The following ITGAX variants were observed in gnomAD, a reference collection of about 807,000 sequenced individuals.
The protein encoded by ITGAX is integrin subunit alpha X.
Under a neutral mutation model 140.2 loss-of-function variants are expected in ITGAX, and 99 were observed. That is an observed-to-expected ratio of 0.71 (90% CI 0.60 to 0.83). The LOEUF (loss-of-function observed/expected upper bound fraction) is 0.83, where lower values mean the gene tolerates loss of function less well. Among genes scored for constraint, ITGAX ranks in the 40% least tolerant of loss-of-function variants. ITGAX has a pLI of 0.00. For synonymous variants in ITGAX, 631 were observed against 600.4 expected, an observed-to-expected ratio of 1.05 and a Z score of -0.75; for missense variants, 1,444 against 1,482.0, an observed-to-expected ratio of 0.97 and a Z score of 0.42.
In ITGAX at chr16:31,372,650, C is replaced by T; in HGVS notation, c.2346C>T (p.Gly782=). 6.2e-6 allele frequency: 10 copies of T among 1,614,072 alleles called. No individual in the cohort carries two copies. The highest frequency in any genetic ancestry group is 7.6e-6 in the Non-Finnish European group (9 of 1,179,958). Residue 782 remains glycine (G), a synonymous_variant, in exon 19 of 30, where the codon GGC becomes GGT. Coordinates refer to ENST00000268296, the MANE Select transcript of ITGAX (RefSeq NM_000887.5). Reference sequence around the variant, plus strand: ...ACCATATCTGCCAGGACAATCTCGGCATCTCCTTCAGCTTCCCAGGGTGAG... The same window carrying T: ...ACCATATCTGCCAGGACAATCTCGGTATCTCCTTCAGCTTCCCAGGGTGAG... ...GADHICQDNL[G]ISFSFPGLKS...
chr16:31,376,955 A>G (rs1234376547), intron 21 of ITGAX, 40 bp downstream of exon 21: 2 of 1,613,224 alleles, frequency 1.2e-6, no homozygotes, highest in East Asian at 4.5e-5. Context: ...CCCCTGCCCC[A>G]CCCTGTCTTT....
intron 14 of ITGAX, among the ~76,000 whole-genome samples, chr16:31,364,207 G>C (rs1351351634): frequency 6.6e-6 from 1 of 152,032 alleles, no homozygotes; most frequent in Non-Finnish European, 1.5e-5. Flanking sequence ...AGGATCACTT[G>C]AGGCCAGGAG....
At chr16:31,380,217 C>A in intron 26 of ITGAX, 49 bp from the exon 27 acceptor site, 1 of 1,585,436 alleles carries the variant, frequency 6.3e-7, no homozygotes, top group Non-Finnish European at 8.6e-7. Flanking sequence ...TGCTGCCTCC[C>A]ACCTTCACAC....
intron 23 of ITGAX, 74 bp from the exon 24 acceptor site, chr16:31,379,494 C>G: frequency 7.0e-7 from 1 of 1,422,354 alleles, no homozygotes; most frequent in Non-Finnish European, 9.7e-7. Flanking sequence ...CACCTGTCCT[C>G]TCATGCTCTA....
rs2080774378 is a variant in ITGAX at position 31,357,328 on chromosome 16, A to C, written c.394A>C (p.Thr132Pro). 1 of 1,606,300 alleles carries C rather than the reference A, an allele frequency of 6.2e-7. No homozygotes were observed. The highest frequency in any genetic ancestry group is 1.3e-5 in the African/African-American group (1 of 74,656). Residue 132 changes from threonine to proline, a missense_variant, in exon 5 of 30, where the codon ACC becomes CCC. By Grantham distance (38) the Thr-to-Pro change is conservative. Coordinates refer to ENST00000268296, the MANE Select transcript of ITGAX (RefSeq NM_000887.5). ...LTGLCFLLGP[T>P]QLTQRLPVSR... Reference sequence around the variant, plus strand: ...CGGACTCTGCTTCCTCCTGGGCCCCACCCAGCTCACCCAGAGGCTCCCGGT... The same window carrying C: ...CGGACTCTGCTTCCTCCTGGGCCCCCCCCAGCTCACCCAGAGGCTCCCGGT...
intron 1 of ITGAX, 93 bp from the exon 2 acceptor site, chr16:31,355,800 G>A (rs995858826): frequency 1.1e-5 from 10 of 943,898 alleles, no homozygotes; most frequent in Non-Finnish European, 1.3e-5. Flanking sequence ...CATCAGGCTC[G>A]GAGGGGAGAT....
chr16:31,368,465 T>A (rs1468907954), intron 14 of ITGAX, among the ~76,000 whole-genome samples: 1 of 139,166 alleles, frequency 7.2e-6, no homozygotes, highest in Non-Finnish European at 1.5e-5. Flanking sequence ...ACCACTGCAC[T>A]CTAGCCTGGG....
In ITGAX at chr16:31,380,278, G is replaced by GA; in HGVS notation, c.3073_3074insA (p.Ala1025AspfsTer9). 6.2e-7 allele frequency: 1 copy of GA among 1,614,040 alleles called. No individual in the cohort carries two copies. The highest frequency in any genetic ancestry group is 8.5e-7 in the Non-Finnish European group (1 of 1,179,970). ...TATCTGCCCCCAGGACTGCTCCATT[G>GA]CTGGCTGCCTGCGGTTCCGCTGTGA... On this transcript the variant is annotated frameshift_variant, in exon 27 of 30. Coordinates refer to ENST00000268296, the MANE Select transcript of ITGAX (RefSeq NM_000887.5). LOFTEE classifies it high-confidence loss of function.
At chr16:31,359,572 A>T in intron 5 of ITGAX, 128 bp from the exon 6 acceptor site, 1 of 1,059,890 alleles carries the variant, frequency 9.4e-7, no homozygotes, top group Non-Finnish European at 1.4e-6. Flanking sequence ...GTGGAGCCTG[A>T]CTCCCATCGC....
chr16:31,368,437 G>T (rs1335666332), intron 14 of ITGAX, among the ~76,000 whole-genome samples: 2 of 146,540 alleles, frequency 1.4e-5, no homozygotes, highest in Non-Finnish European at 3.0e-5. Context: ...GGCAAAGGTT[G>T]CAGTGAGCCG....
intron 14 of ITGAX, among the ~76,000 whole-genome samples, chr16:31,368,728 G>A (rs916596361): frequency 6.6e-6 from 1 of 151,952 alleles, no homozygotes; most frequent in African/African-American, 2.4e-5. Flanking sequence ...AAAGGTCTCT[G>A]GTTTTCCCAG....
chr16:31,365,312 C>T (rs1273427676), intron 14 of ITGAX, among the ~76,000 whole-genome samples: 1 of 152,132 alleles, frequency 6.6e-6, no homozygotes, highest in African/African-American at 2.4e-5. Flanking sequence ...ACTCTCTAAA[C>T]ATACCAAAAG....
At chr16:31,360,587 C>G in intron 8 of ITGAX, 124 bp downstream of exon 8, 1 of 919,550 alleles carries the variant, frequency 1.1e-6, no homozygotes, top group Non-Finnish European at 1.6e-6. Context: ...TGGTGCAATC[C>G]TAGCTCACTG....
Position 31,362,949 on chromosome 16 carries a change from C to T in ITGAX, c.1374C>T (p.Phe458=), listed in dbSNP as rs768257645. The stretch of plus-strand genomic sequence containing the variant: ...CTGCCCTTCAGATCGGCTCCTACTT[C>T]GGGGCCTCCCTCTGCTCCGTGGACG... ...EVTGTQIGSY[F]GASLCSVDVD... The change falls in exon 13 of 30, where the codon TTC becomes TTT. Residue 458 remains phenylalanine (F), a synonymous_variant. Coordinates refer to ENST00000268296, the MANE Select transcript of ITGAX (RefSeq NM_000887.5). 5.6e-6 allele frequency: 9 copies of T among 1,611,654 alleles called. No homozygotes were observed. Among genetic ancestry groups the T allele is most frequent in the South Asian group, 1.1e-5 (1 of 90,994 alleles).
In ITGAX at chr16:31,376,821, T is replaced by C. The variant is rs1358103457; in HGVS notation, c.2531T>C (p.Leu844Pro). The C allele has an allele frequency of 6.2e-7, 1 of 1,614,210 alleles. No homozygotes were observed. Among genetic ancestry groups the C allele is most frequent in the Non-Finnish European group, 8.5e-7 (1 of 1,180,022 alleles). The part of the protein sequence containing the change: ...EGQKQGQLRS[L>P]HLTCDSAPVG... ...TAGAAACAAGGGCAGCTGCGTTCCC[T>C]GCACCTGACATGTGACAGCGCCCCA... Residue 844 changes from leucine to proline, a missense_variant, in exon 21 of 30, where the codon CTG becomes CCG. Transcript: ENST00000268296.
intron 14 of ITGAX, among the ~76,000 whole-genome samples, chr16:31,368,805 G>A (rs1011624974): frequency 7.3e-5 from 11 of 151,314 alleles, no homozygotes; most frequent in Non-Finnish European, 1.2e-4. Context: ...GAGTGGTGAT[G>A]ACTCTTAACG....
rs751685586 is a variant in ITGAX at position 31,371,329 on chromosome 16, C to T, written c.1842-5C>T. The T allele has an allele frequency of 2.2e-5, 35 of 1,613,714 alleles. No individual in the cohort carries two copies. Among genetic ancestry groups the T allele is most frequent in the East Asian group, 4.5e-5 (2 of 44,872 alleles). ...CCTGTCCTCAGCTCGGTGCTCTGCC[C>T]GCAGGACCAGACCTGTGCTCTGGGT... On this transcript the variant is annotated splice_region_variant and splice_polypyrimidine_tract_variant and intron_variant, in intron 15 of 29. Coordinates refer to ENST00000268296, the MANE Select transcript of ITGAX (RefSeq NM_000887.5).
chr16:31,357,775 G>A (rs114442182), intron 5 of ITGAX: 16 of 413,888 alleles, frequency 3.9e-5, no homozygotes, highest in East Asian at 7.1e-5. Flanking sequence ...GGTTTGTGCC[G>A]TAGTTTAGGA....
chr16:31,379,994 C>T lies in ITGAX; in HGVS notation c.2989C>T (p.Arg997Trp), dbSNP rs143932593. 96 of 1,614,108 alleles carry T rather than the reference C, an allele frequency of 5.9e-5. No individual in the cohort carries two copies. The African/African-American group carries it at 9.2e-4, about 15-fold the overall frequency. Residue 997 changes from arginine to tryptophan, a missense_variant, in exon 26 of 30, where the codon CGG (arginine) becomes TGG (tryptophan). Coordinates refer to ENST00000268296, the MANE Select transcript of ITGAX (RefSeq NM_000887.5). ...CATTTTCCCCCAGAACCCATCCCTT[C>T]GGTGCTCCTCAGAGAAAATCGCACC... ...EVSHPQNPSL[R>W]CSSEKIAPPA...
Sources: allele counts gnomAD v4.1 joint callset (sites outside exome capture counted in the v4.1 genomes callset), GRCh38; gene constraint gnomAD v4.1.1; transcripts MANE v1.5; gene names NCBI Gene and HGNC (gene_info 2026-07-23, HGNC 2026-07-21).